ADA2: variants seen among roughly 807,000 people sequenced by gnomAD.
The protein encoded by ADA2 is adenosine deaminase CECR1.
Under a neutral mutation model 44.2 loss-of-function variants are expected in ADA2, and 29 were observed. The observed-to-expected ratio is 0.66, with a 90% CI of 0.49 to 0.89. ADA2 has a LOEUF of 0.89. Ranked by LOEUF, ADA2 falls within the 40% of genes least tolerant of loss-of-function variation. The probability of loss-of-function intolerance (pLI) is 0.00; values close to 1 mark genes in which losing one functional copy is unlikely to be tolerated. For missense variants in ADA2, 637 were observed against 644.8 expected, an observed-to-expected ratio of 0.99 and a Z score of 0.13; for synonymous variants, 215 against 234.9, an observed-to-expected ratio of 0.92 and a Z score of 0.77.
chr22:17,188,655 A>G (rs544288806), intron 6 of ADA2: 13 of 382,518 alleles, frequency 3.4e-5, no homozygotes, highest in South Asian at 1.5e-4. Context: ...CGAGGCAGGC[A>G]GATCACGAAG....
chr22:17,211,997 G>A (rs1304460711), intron 1 of ADA2, among the ~76,000 whole-genome samples: 1 of 151,890 alleles, frequency 6.6e-6, no homozygotes, highest in Non-Finnish European at 1.5e-5. Context: ...AGAATGAAGA[G>A]ACAACCTATT....
chr22:17,207,198 T>G lies in ADA2; in HGVS notation c.415A>C (p.Thr139Pro). The change falls in exon 3 of 10, where the codon ACC becomes CCC. Residue 139 changes from threonine to proline, a missense_variant. Physicochemically the swap from Thr to Pro is conservative, Grantham distance 38. Transcript: ENST00000399837. Reference sequence around the variant, plus strand: ...CTGAACTGCATGATCCCCCTTGGGGTGAAACAGATGTGGCAGTGAGGCCTG... The same window carrying G: ...CTGAACTGCATGATCCCCCTTGGGGGGAAACAGATGTGGCAGTGAGGCCTG... ...TYRPHCHICFTPRGIMQFRFA... is the reference protein window; with the variant it reads ...TYRPHCHICFPPRGIMQFRFA... The G allele has an allele frequency of 2.5e-6, 4 of 1,613,898 alleles. No individual in the cohort carries two copies. The highest frequency in any genetic ancestry group is 3.4e-6 in the Non-Finnish European group (4 of 1,179,896).
At chr22:17,209,960 G>A (rs2062401013) in intron 1 of ADA2, 3 of 365,500 alleles carry the variant, frequency 8.2e-6, no homozygotes, top group East Asian at 1.1e-4. Flanking sequence ...GTGCAATCTC[G>A]GCTCACTGCG....
chr22:17,216,319 G>A (rs577626542), intron 1 of ADA2, among the ~76,000 whole-genome samples: 1 of 151,976 alleles, frequency 6.6e-6, no homozygotes, highest in East Asian at 1.9e-4. Flanking sequence ...GAGCCATGAT[G>A]GTGCCATTGC....
chr22:17,202,375 C>T (rs1347336454), intron 4 of ADA2, among the ~76,000 whole-genome samples: 2 of 152,178 alleles, frequency 1.3e-5, no homozygotes, highest in Admixed American at 1.3e-4. Flanking sequence ...ATCCGCCTGC[C>T]TCAGCCTCCC....
chr22:17,192,932 C>A (rs1398591944), intron 4 of ADA2: 7 of 581,682 alleles, frequency 1.2e-5, no homozygotes, highest in African/African-American at 1.1e-4. Flanking sequence ...CCTTGTGAAG[C>A]CTGATTGTCA....
chr22:17,181,732 G>T, intron 9 of ADA2, 88 bp downstream of exon 9: 1 of 1,217,542 alleles, frequency 8.2e-7, no homozygotes, highest in Non-Finnish European at 1.2e-6. Context: ...AGGAACCATC[G>T]AGGCATCTGC....
At chr22:17,190,159 C>T in intron 5 of ADA2, 127 bp from the exon 6 acceptor site, 1 of 695,726 alleles carries the variant, frequency 1.4e-6, no homozygotes, top group Non-Finnish European at 2.5e-6. Flanking sequence ...AAACCTGAGG[C>T]ACCCCTGCCC....
rs1280014015 is a variant in ADA2 at position 17,179,159 on chromosome 22, G to T, written c.*2324C>A. The T allele has an allele frequency of 6.6e-6, 1 of 152,356 alleles. No individual in the cohort carries two copies. Among genetic ancestry groups the T allele is most frequent in the Non-Finnish European group, 1.5e-5 (1 of 68,116 alleles). 9.4% of individuals were successfully genotyped at this position (152,356 alleles called of 1,614,324 possible). On this transcript the variant is annotated 3_prime_UTR_variant, in exon 10 of 10. Transcript: ENST00000399837. ...ATTCCCTGCCATCCTTGAGTTGGGTGAGGACAGAGGTGGCTTCTTGCATCC... is the reference window on the plus strand; with the variant it reads ...ATTCCCTGCCATCCTTGAGTTGGGTTAGGACAGAGGTGGCTTCTTGCATCC...
At chr22:17,201,666 C>T (rs1391382875) in intron 4 of ADA2, among the ~76,000 whole-genome samples, 1 of 152,164 alleles carries the variant, frequency 6.6e-6, no homozygotes, top group East Asian at 1.9e-4. Context: ...CCATCTCCCT[C>T]AGCCCAACAA....
At position 17,181,476 on chromosome 22, in the gene ADA2, C is replaced by G. The variant is rs1391700164; in HGVS notation, c.*7G>C. ...AGACAGCTTGTAGAGGGCTGGCTAG[C>G]TTCTCCTCACTTTGTAGCCACATCT... On this transcript the variant is annotated 3_prime_UTR_variant, in exon 10 of 10. Transcript: ENST00000399837. 1.4e-5 allele frequency: 23 copies of G among 1,588,538 alleles called. No individual in the cohort carries two copies. Among genetic ancestry groups the G allele is most frequent in the Non-Finnish European group, 1.9e-5 (22 of 1,156,702 alleles).
At chr22:17,210,015 C>T (rs1325341079) in intron 1 of ADA2, 20 of 233,850 alleles carry the variant, frequency 8.6e-5, no homozygotes, top group Non-Finnish European at 1.4e-4. Flanking sequence ...CTCAGCCTCC[C>T]GAGTAGCTGG....
At chr22:17,205,057 G>A (rs1221106632) in intron 3 of ADA2, among the ~76,000 whole-genome samples, 1 of 150,942 alleles carries the variant, frequency 6.6e-6, no homozygotes, top group Non-Finnish European at 1.5e-5. Flanking sequence ...TTGCTCTGTC[G>A]CCCAGGCTGG....
At position 17,210,040 on chromosome 22, in the gene ADA2, G is replaced by A. The variant is rs1181109363; in HGVS notation, c.-46-317C>T. On this transcript the variant is annotated intron_variant, in intron 1 of 9. Transcript: ENST00000399837. Reference sequence around the variant, plus strand: ...CGAGTAGCTGGGACTACAGGTGCCCGCCACCATGCCCGGCTAATTTTTTGT... The same window carrying A: ...CGAGTAGCTGGGACTACAGGTGCCCACCACCATGCCCGGCTAATTTTTTGT... 8.7e-5 allele frequency among the ~76,000 whole-genome samples: 13 copies of A among 148,926 alleles called. No individual in the cohort carries two copies. The South Asian group carries it at 1.1e-3, about 12-fold the overall frequency.
At chr22:17,203,823 G>GC in intron 3 of ADA2, 50 bp from the exon 4 acceptor site, 1 of 1,279,798 alleles carries the variant, frequency 7.8e-7, no homozygotes, top group Non-Finnish European at 1.1e-6. Flanking sequence ...CCAGGACACT[G>GC]CCCCCGGGCG....
chr22:17,207,491 C>T (rs184149790), intron 2 of ADA2, among the ~76,000 whole-genome samples: 1 of 152,026 alleles, frequency 6.6e-6, no homozygotes, highest in East Asian at 1.9e-4. Flanking sequence ...GGCTTGGGGA[C>T]AGTGTGGATC....
chr22:17,219,086 G>A (rs2062500403), intron 1 of ADA2, among the ~76,000 whole-genome samples: 1 of 152,246 alleles, frequency 6.6e-6, no homozygotes, highest in South Asian at 2.1e-4. Context: ...GAACTCGAGA[G>A]GCAGAAGTTG....
At position 17,179,024 on chromosome 22, in the gene ADA2, G is replaced by T. The variant is rs1490855460; in HGVS notation, c.*2459C>A. The T allele has an allele frequency of 1.3e-5, 2 of 152,298 alleles. No homozygotes were observed. The highest frequency in any genetic ancestry group is 6.6e-5 in the Admixed American group (1 of 15,264). The allele number at this position is 152,298 out of a possible 1,614,324, so 9.4% of individuals were successfully genotyped here. On this transcript the variant is annotated 3_prime_UTR_variant, in exon 10 of 10. Transcript: ENST00000399837. ...TTTTTCCCAGTTCCAGGAACCAAAT[G>T]GTGATAAACTAGGAATGGAGAGAGG...
At chr22:17,190,075 G>T in intron 5 of ADA2, 43 bp from the exon 6 acceptor site, 1 of 1,447,284 alleles carries the variant, frequency 6.9e-7, no homozygotes, top group South Asian at 1.1e-5. Context: ...GCCCAGCACC[G>T]ACAGAGCACA....
Sources: gnomAD v4.1 joint callset for allele counts (sites outside exome capture counted in the v4.1 genomes callset) on GRCh38, gnomAD v4.1.1 for gene constraint, MANE v1.5 for transcripts, NCBI Gene and HGNC (gene_info 2026-07-23, HGNC 2026-07-21) for gene names.